Variants in COL21A1 observed in about 807,000 individuals in gnomAD.
The protein encoded by COL21A1 is collagen alpha-1(XXI) chain.
Under a neutral mutation model 137.9 loss-of-function variants are expected in COL21A1, and 149 were observed. The ratio of observed to expected loss-of-function variants is 1.08; its 90% CI spans 0.95 to 1.24. COL21A1 has a LOEUF of 1.24. COL21A1 is among the 50% of genes most tolerant of loss of function. The pLI is 0.00. For missense variants in COL21A1, 1,167 were observed against 1,158.4 expected, an observed-to-expected ratio of 1.01 and a Z score of -0.11; for synonymous variants, 456 against 391.5, an observed-to-expected ratio of 1.16 and a Z score of -1.95.
chr6:56,364,065 T>C (rs1158356171), intron 1 of COL21A1, among the ~76,000 whole-genome samples: 1 of 151,958 alleles, frequency 6.6e-6, no homozygotes, highest in Non-Finnish European at 1.5e-5. Context: ...GCACAATGAG[T>C]GTTGTGTGAT....
chr6:56,133,619 G>A (rs1265451959), intron 12 of COL21A1, among the ~76,000 whole-genome samples: 2 of 152,192 alleles, frequency 1.3e-5, no homozygotes, highest in African/African-American at 2.4e-5. Context: ...GGGCATGTCA[G>A]AGGTCTTCAT....
chr6:56,161,770 T>C (rs1776223470), intron 9 of COL21A1, among the ~76,000 whole-genome samples: 1 of 152,158 alleles, frequency 6.6e-6, no homozygotes, highest in South Asian at 2.1e-4. Context: ...TAAGTCTAAG[T>C]GTGGTGTACC....
In COL21A1 at chr6:56,190,524, G is replaced by C. The variant is rs140789724; in HGVS notation, c.-38-7868C>G. On this transcript the variant is annotated intron_variant, in intron 1 of 29. Coordinates refer to ENST00000244728, the MANE Select transcript of COL21A1 (RefSeq NM_030820.4). ...TCTGCCAGAGGTAAAAAGAGGAGCTGGTATCATTCCTTCTGAAACAATTCC... is the reference window on the plus strand; with the variant it reads ...TCTGCCAGAGGTAAAAAGAGGAGCTCGTATCATTCCTTCTGAAACAATTCC... Among the ~76,000 whole-genome samples, 5 of 152,194 alleles carry C rather than the reference G, an allele frequency of 3.3e-5. No individual in the cohort carries two copies. The East Asian group carries it at 9.6e-4, about 29-fold the overall frequency.
At chr6:56,193,760 GTTT>G (rs138831794) in intron 1 of COL21A1, among the ~76,000 whole-genome samples, 1 of 147,572 alleles carries the variant, frequency 6.8e-6, no homozygotes, top group African/African-American at 2.5e-5. Flanking sequence ...AGGTTTTTTT[GTTT>G]TTTTTTTTTT....
At chr6:56,134,274 G>A (rs962514804) in intron 12 of COL21A1, among the ~76,000 whole-genome samples, 3 of 152,180 alleles carry the variant, frequency 2.0e-5, no homozygotes, top group African/African-American at 7.2e-5. Flanking sequence ...GAGCATTTTG[G>A]AGCTTTAAGA....
At chr6:56,257,766 T>C (rs1367964020) in intron 1 of COL21A1, among the ~76,000 whole-genome samples, 1 of 152,196 alleles carries the variant, frequency 6.6e-6, no homozygotes, top group Admixed American at 6.5e-5. Context: ...TCAAATATCA[T>C]AAAATATTCT....
chr6:56,272,085 G>A (rs1459095195), intron 1 of COL21A1, among the ~76,000 whole-genome samples: 2 of 152,122 alleles, frequency 1.3e-5, no homozygotes, highest in Non-Finnish European at 2.9e-5. Context: ...GCCTACTGGA[G>A]CTGTGAGAAG....
chr6:56,171,113 G>T lies in COL21A1; in HGVS notation c.656C>A (p.Thr219Lys), dbSNP rs1451095162. The T allele has an allele frequency of 4.4e-5, 70 of 1,602,414 alleles. No individual in the cohort carries two copies. The highest frequency in any genetic ancestry group is 6.0e-5 in the Non-Finnish European group (70 of 1,175,548). Residue 219 changes from threonine (T) to lysine (K), a missense_variant, in exon 4 of 30, where the codon ACA becomes AAA. By Grantham distance (78) the Thr-to-Lys change is moderately conservative (BLOSUM62 -1). Transcript: ENST00000244728. ...QKLCEESVCP[T>K]RIPVAARDER... ...ATCACGAGCTGCCACTGGAATTCGT[G>T]TTGGACAGACAGATTCTATAAAGCA...
chr6:56,250,932 C>A (rs191973018), upstream of COL21A1, among the ~76,000 whole-genome samples: 2 of 152,124 alleles, frequency 1.3e-5, no homozygotes, highest in Non-Finnish European at 2.9e-5. Context: ...CCAAGTTAAA[C>A]TTCCCAATGT....
intron 1 of COL21A1, among the ~76,000 whole-genome samples, chr6:56,230,899 T>G (rs893482225): frequency 2.0e-5 from 3 of 151,948 alleles, no homozygotes; most frequent in African/African-American, 7.2e-5. Context: ...GGTTTATAAT[T>G]GCTTACTTAA....
chr6:56,149,489 C>G (rs905707712), intron 10 of COL21A1, among the ~76,000 whole-genome samples: 1 of 152,102 alleles, frequency 6.6e-6, no homozygotes, highest in African/African-American at 2.4e-5. Flanking sequence ...AGGCAAAGGA[C>G]AAGAAAAGAT....
At chr6:56,194,837 T>TC (rs5876494) in intron 1 of COL21A1, among the ~76,000 whole-genome samples, 113,410 of 151,982 alleles carry the variant, frequency 0.75, 42,906 homozygotes, top group African/African-American at 0.86. Flanking sequence ...GTTTGTCCCC[T>TC]CAAAATTCAT....
At chr6:56,173,387 G>T (rs543173412) in intron 3 of COL21A1, among the ~76,000 whole-genome samples, 8 of 150,190 alleles carry the variant, frequency 5.3e-5, no homozygotes, top group African/African-American at 2.0e-4. Context: ...AGGGAAAGGA[G>T]AAGGGGAAGG....
intron 9 of COL21A1, among the ~76,000 whole-genome samples, chr6:56,158,253 CT>C (rs59381031): frequency 8.5e-4 from 89 of 104,930 alleles, no homozygotes; most frequent in African/African-American, 2.5e-3. Context: ...TGGGTTTTTT[CT>C]TTTTTTTTTT....
intron 12 of COL21A1, among the ~76,000 whole-genome samples, chr6:56,132,211 A>T (rs1773614974): frequency 6.6e-6 from 1 of 152,018 alleles, no homozygotes; most frequent in Non-Finnish European, 1.5e-5. Flanking sequence ...ACTAATATCA[A>T]AAAATTCAAG....
At position 56,086,501 on chromosome 6, in the gene COL21A1, T is replaced by A. The variant is rs1768261028; in HGVS notation, c.1813-8928A>T. Among the ~76,000 whole-genome samples the A allele has an allele frequency of 2.0e-5, 3 of 152,290 alleles. No individual in the cohort carries two copies. In the South Asian group the frequency reaches 6.2e-4, roughly 32 times the overall value. ...TAGAGAAAAGCAAATGTTATTAAGATAATATGGAAGAGAAAATATATCTAC... is the reference window on the plus strand; with the variant it reads ...TAGAGAAAAGCAAATGTTATTAAGAAAATATGGAAGAGAAAATATATCTAC... On this transcript the variant is annotated intron_variant, in intron 17 of 29. Transcript: ENST00000244728.
At position 56,217,528 on chromosome 6, in the gene COL21A1, A is replaced by T. The variant is rs144910058; in HGVS notation, c.-39+29859T>A. On this transcript the variant is annotated intron_variant, in intron 1 of 29. Coordinates refer to ENST00000244728, the MANE Select transcript of COL21A1 (RefSeq NM_030820.4). ...AACCAAATGACTGAAAGGTACCAGA[A>T]AGTCCTTCCAACCCAATTTCATTGT... is the stretch of plus-strand genomic sequence containing the variant. Among the ~76,000 whole-genome samples, 920 of 152,206 alleles carry T rather than the reference A, an allele frequency of 6.0e-3. 10 individuals carry two copies. The highest frequency in any genetic ancestry group is 0.021 in the African/African-American group (881 of 41,566).
At chr6:56,375,258 T>G (rs2093996976) in intron 1 of COL21A1, among the ~76,000 whole-genome samples, 1 of 152,142 alleles carries the variant, frequency 6.6e-6, no homozygotes, top group South Asian at 2.1e-4. Context: ...CTGGATATTT[T>G]CCACTTGGCC....
chr6:56,220,547 A>T (rs947057180), intron 1 of COL21A1, among the ~76,000 whole-genome samples: 2 of 152,180 alleles, frequency 1.3e-5, no homozygotes, highest in Non-Finnish European at 2.9e-5. Flanking sequence ...TTATTTAAGA[A>T]TGGTTCTGTA....
Sources: gnomAD v4.1 joint callset for allele counts (sites outside exome capture counted in the v4.1 genomes callset) on GRCh38, gnomAD v4.1.1 for gene constraint, MANE v1.5 for transcripts, NCBI Gene and HGNC (gene_info 2026-07-23, HGNC 2026-07-21) for gene names.